Variants in PIP4K2A observed in about 807,000 individuals in gnomAD.
The protein encoded by PIP4K2A is phosphatidylinositol-5-phosphate 4-kinase type 2 alpha.
Under a neutral mutation model 42.9 loss-of-function variants are expected in PIP4K2A, and 14 were observed. The ratio of observed to expected loss-of-function variants is 0.33; its 90% confidence interval spans 0.22 to 0.51. PIP4K2A has a LOEUF of 0.51. Ranked by LOEUF, PIP4K2A falls within the 20% of genes least tolerant of loss-of-function variation. The pLI is 0.97. For synonymous variants in PIP4K2A, 192 were observed against 192.2 expected, an observed-to-expected ratio of 1.00 and a Z score of 0.01; for missense variants, 434 against 519.8, an observed-to-expected ratio of 0.83 and a Z score of 1.61.
intron 1 of PIP4K2A, among the ~76,000 whole-genome samples, chr10:22,705,984 G>A (rs1833816367): frequency 6.6e-6 from 1 of 151,776 alleles, no homozygotes; most frequent in Non-Finnish European, 1.5e-5. Context: ...TTCTTCACAT[G>A]GCAGCAGCAA....
intron 1 of PIP4K2A, among the ~76,000 whole-genome samples, chr10:22,623,748 T>G (rs1026511933): frequency 6.6e-6 from 1 of 152,184 alleles, no homozygotes. Context: ...AACAGGTAAG[T>G]GCTTAAGAGG....
chr10:22,640,710 A>G (rs1212904299), intron 1 of PIP4K2A, among the ~76,000 whole-genome samples: 1 of 152,214 alleles, frequency 6.6e-6, no homozygotes, highest in African/African-American at 2.4e-5. Flanking sequence ...CCGCCTGGGA[A>G]AATGGAATCT....
At chr10:22,691,575 T>G (rs573865221) in intron 1 of PIP4K2A, 5 of 152,346 alleles carry the variant, frequency 3.3e-5, no homozygotes, top group Admixed American at 2.0e-4. Flanking sequence ...TTGTGTAAAA[T>G]AGAAATACTT....
In PIP4K2A at chr10:22,600,792, G is replaced by A. The variant is rs573663352; in HGVS notation, c.339+7135C>T. The stretch of plus-strand genomic sequence containing the variant: ...AGAGTTGAAGACCAATGTGGAACTT[G>A]AACATCATCATCAAGGATTTATTAA... On this transcript the variant is annotated intron_variant, in intron 3 of 9. Transcript: ENST00000376573. 2.0e-5 allele frequency among the ~76,000 whole-genome samples: 3 copies of A among 152,212 alleles called. No homozygotes were observed. In the East Asian group the frequency reaches 5.8e-4, roughly 29 times the overall value.
intron 8 of PIP4K2A, among the ~76,000 whole-genome samples, chr10:22,541,552 T>C (rs953719312): frequency 2.0e-5 from 3 of 152,216 alleles, no homozygotes; most frequent in Admixed American, 6.5e-5. Flanking sequence ...GTTGTACATG[T>C]ATAGTATAGT....
intron 4 of PIP4K2A, among the ~76,000 whole-genome samples, chr10:22,580,342 C>T (rs1011995247): frequency 2.0e-5 from 3 of 151,888 alleles, no homozygotes; most frequent in Non-Finnish European, 4.4e-5. Context: ...AACTTGTAAG[C>T]GAATGCTTCA....
intron 1 of PIP4K2A, among the ~76,000 whole-genome samples, chr10:22,636,619 A>G (rs1400130834): frequency 6.6e-6 from 1 of 151,920 alleles, no homozygotes; most frequent in Non-Finnish European, 1.5e-5. Context: ...CTGTCAAGCA[A>G]AACTTTCTGA....
intron 4 of PIP4K2A, among the ~76,000 whole-genome samples, chr10:22,575,721 C>T (rs1027734370): frequency 2.6e-5 from 4 of 151,960 alleles, no homozygotes; most frequent in Admixed American, 6.6e-5. Flanking sequence ...AGGTGGATCA[C>T]GAGGTCAGGA....
At chr10:22,652,841 C>T (rs149236850) in intron 1 of PIP4K2A, among the ~76,000 whole-genome samples, 188 of 152,322 alleles carry the variant, frequency 1.2e-3, no homozygotes, top group African/African-American at 4.0e-3. Context: ...CGCCTACAAG[C>T]CCAGAGCTTT....
intron 4 of PIP4K2A, among the ~76,000 whole-genome samples, chr10:22,590,800 G>A (rs1837492938): frequency 6.6e-6 from 1 of 152,170 alleles, no homozygotes; most frequent in Non-Finnish European, 1.5e-5. Flanking sequence ...AGCCCAGGAG[G>A]TTGAGCATGC....
intron 1 of PIP4K2A, among the ~76,000 whole-genome samples, chr10:22,664,740 T>C (rs566145574): frequency 3.9e-5 from 6 of 152,142 alleles, no homozygotes; most frequent in Non-Finnish European, 7.4e-5. Context: ...ATGCTTTCAG[T>C]ACGAAGTACT....
intron 4 of PIP4K2A, among the ~76,000 whole-genome samples, chr10:22,582,342 C>A (rs1190695311): frequency 2.6e-5 from 4 of 151,814 alleles, no homozygotes; most frequent in Non-Finnish European, 5.9e-5. Context: ...TTATGAAGCC[C>A]TGATTTGTTG....
At chr10:22,573,511 C>A in intron 4 of PIP4K2A, 54 bp from the exon 5 acceptor site, 1 of 1,509,602 alleles carries the variant, frequency 6.6e-7, no homozygotes, top group South Asian at 1.2e-5. Context: ...AGATTGCTTC[C>A]TTAGATGTAA....
At chr10:22,700,974 G>C (rs1427721213) in intron 1 of PIP4K2A, among the ~76,000 whole-genome samples, 1 of 152,156 alleles carries the variant, frequency 6.6e-6, no homozygotes, top group African/African-American at 2.4e-5. Context: ...ACCTGAAGAA[G>C]GGTTTGGCAG....
chr10:22,675,799 A>G (rs1418936133), intron 1 of PIP4K2A, among the ~76,000 whole-genome samples: 1 of 152,202 alleles, frequency 6.6e-6, no homozygotes, highest in African/African-American at 2.4e-5. Flanking sequence ...CAATGGCAGG[A>G]GGTGCTGAAG....
intron 1 of PIP4K2A, among the ~76,000 whole-genome samples, chr10:22,618,322 C>G (rs1479730875): frequency 6.6e-6 from 1 of 152,208 alleles, no homozygotes; most frequent in Non-Finnish European, 1.5e-5. Flanking sequence ...ATTCCTTCCA[C>G]CAAACAAATG....
intron 2 of PIP4K2A, among the ~76,000 whole-genome samples, chr10:22,608,810 G>C (rs994446313): frequency 6.6e-6 from 1 of 152,172 alleles, no homozygotes; most frequent in African/African-American, 2.4e-5. Context: ...CCAGGAATTT[G>C]AGACTGCAGT....
intron 6 of PIP4K2A, among the ~76,000 whole-genome samples, chr10:22,561,260 G>A (rs1836686407): frequency 1.3e-5 from 2 of 152,144 alleles, no homozygotes; most frequent in Non-Finnish European, 2.9e-5. Flanking sequence ...ATCTGTACAT[G>A]CATGTTCTGA....
chr10:22,578,792 C>T (rs1837184615), intron 4 of PIP4K2A, among the ~76,000 whole-genome samples: 1 of 152,190 alleles, frequency 6.6e-6, no homozygotes, highest in Admixed American at 6.5e-5. Context: ...AGGTGGCAAG[C>T]ACTACCCTTA....
Sources: gnomAD v4.1 joint callset for allele counts (sites outside exome capture counted in the v4.1 genomes callset) on GRCh38, gnomAD v4.1.1 for gene constraint, MANE v1.5 for transcripts, NCBI Gene and HGNC (gene_info 2026-07-23, HGNC 2026-07-21) for gene names.